MAF: variants seen among roughly 807,000 people sequenced by gnomAD.
The protein encoded by MAF is transcription factor Maf.
Under a neutral mutation model 22.0 loss-of-function variants are expected in MAF, and 10 were observed. The ratio of observed to expected loss-of-function variants is 0.45; its 90% CI spans 0.28 to 0.77. The LOEUF (loss-of-function observed/expected upper bound fraction) is 0.77, where lower values mean the gene tolerates loss of function less well. Among genes scored for constraint, MAF ranks in the 30% least tolerant of loss-of-function variants. The pLI is 0.12. For synonymous variants in MAF, 337 were observed against 255.8 expected, an observed-to-expected ratio of 1.32 and a Z score of -3.03; for missense variants, 544 against 548.4, an observed-to-expected ratio of 0.99 and a Z score of 0.08.
chr16:79,303,010 C>T, the MAF span, among the ~76,000 whole-genome samples: 1 of 152,206 alleles, frequency 6.6e-6, no homozygotes, highest in African/African-American at 2.4e-5. Flanking sequence ...TCTGACGGTA[C>T]CTTCCATATG....
At chr16:79,500,053 AC>A in the MAF span, among the ~76,000 whole-genome samples, 2 of 152,212 alleles carry the variant, frequency 1.3e-5, no homozygotes, top group Non-Finnish European at 2.9e-5. Context: ...AGGAATGCCA[AC>A]AGAGCTGGAA....
chr16:79,416,079 G>A, the MAF span, among the ~76,000 whole-genome samples: 41 of 152,238 alleles, frequency 2.7e-4, 1 homozygote, highest in Middle Eastern at 6.8e-3. Flanking sequence ...CTGACAGAGG[G>A]GATGTGCCCA....
the MAF span, among the ~76,000 whole-genome samples, chr16:79,529,479 A>T: frequency 7.2e-5 from 11 of 152,216 alleles, no homozygotes; most frequent in Admixed American, 6.5e-5. Flanking sequence ...CTGTGAATCT[A>T]TAATTATTTC....
chr16:79,400,983 G>A, the MAF span, among the ~76,000 whole-genome samples: 5 of 152,198 alleles, frequency 3.3e-5, no homozygotes, highest in Admixed American at 2.0e-4. Flanking sequence ...ATACACAGGC[G>A]TCCAGCCCTG....
At chr16:79,342,700 T>G in the MAF span, among the ~76,000 whole-genome samples, 22 of 152,050 alleles carry the variant, frequency 1.4e-4, no homozygotes, top group African/African-American at 4.8e-4. Context: ...AACAATGAAA[T>G]AGATACAATA....
the MAF span, among the ~76,000 whole-genome samples, chr16:79,443,508 A>G: frequency 3.9e-5 from 6 of 152,032 alleles, no homozygotes; most frequent in African/African-American, 1.4e-4. Context: ...AACTTCTTAC[A>G]TTGCTGGAGG....
At chr16:79,360,967 C>A in the MAF span, among the ~76,000 whole-genome samples, 5 of 152,100 alleles carry the variant, frequency 3.3e-5, no homozygotes. Context: ...GCATTTACAC[C>A]ACAGAAATTG....
chr16:79,408,254 G>A, the MAF span, among the ~76,000 whole-genome samples: 1 of 152,002 alleles, frequency 6.6e-6, no homozygotes, highest in African/African-American at 2.4e-5. Context: ...TCGGCTTGCT[G>A]CAACTGCCAC....
chr16:79,480,979 A>C, the MAF span, among the ~76,000 whole-genome samples: 1 of 151,836 alleles, frequency 6.6e-6, no homozygotes, highest in Non-Finnish European at 1.5e-5. Flanking sequence ...AGCACCCCCA[A>C]CTCCACGTCC....
chr16:79,428,117 G>T, the MAF span, among the ~76,000 whole-genome samples: 1 of 64,374 alleles, frequency 1.6e-5, no homozygotes. Flanking sequence ...AAAAAAAAAA[G>T]CTTTTCTGCT....
the MAF span, among the ~76,000 whole-genome samples, chr16:79,275,355 A>G: frequency 7.9e-5 from 12 of 152,248 alleles, no homozygotes; most frequent in Non-Finnish European, 5.9e-5. Context: ...CCAAAAAAAG[A>G]GAATAATAGT....
the MAF span, among the ~76,000 whole-genome samples, chr16:79,245,533 C>T: frequency 1.1e-4 from 16 of 151,920 alleles, no homozygotes; most frequent in East Asian, 5.8e-4. Flanking sequence ...GTTAGAATGG[C>T]GATCATTAAA....
the MAF span, among the ~76,000 whole-genome samples, chr16:79,300,384 G>A: frequency 4.6e-5 from 7 of 151,976 alleles, no homozygotes; most frequent in Admixed American, 3.3e-4. Flanking sequence ...GTGAAACCCC[G>A]TCTCTACTAA....
chr16:79,587,725 A>T (rs1912934081), intron 1 of MAF, among the ~76,000 whole-genome samples: 1 of 152,186 alleles, frequency 6.6e-6, no homozygotes, highest in African/African-American at 2.4e-5. Context: ...AACAGGCCTC[A>T]TTAAATGCGA....
the MAF span, among the ~76,000 whole-genome samples, chr16:79,387,789 T>G: frequency 6.6e-6 from 1 of 152,212 alleles, no homozygotes; most frequent in East Asian, 1.9e-4. Context: ...AATAACACCA[T>G]ATATTTAAAA....
At chr16:79,444,758 T>G in the MAF span, among the ~76,000 whole-genome samples, 2 of 152,162 alleles carry the variant, frequency 1.3e-5, no homozygotes, top group Non-Finnish European at 2.9e-5. Context: ...TGAAGGACTT[T>G]GGAAGATTAT....
At chr16:79,500,551 C>T in the MAF span, among the ~76,000 whole-genome samples, 1 of 152,258 alleles carries the variant, frequency 6.6e-6, no homozygotes, top group Non-Finnish European at 1.5e-5. Context: ...ACTGTTTCTT[C>T]ACACCACGGT....
the MAF span, among the ~76,000 whole-genome samples, chr16:79,238,646 C>A: frequency 4.9e-4 from 74 of 152,042 alleles, no homozygotes; most frequent in East Asian, 0.013. Context: ...ACAGGACATT[C>A]AATTTAATTC....
At chr16:79,575,191 G>T in the MAF span, among the ~76,000 whole-genome samples, 2 of 151,996 alleles carry the variant, frequency 1.3e-5, no homozygotes, top group Non-Finnish European at 2.9e-5. Context: ...TTCTAAAGGG[G>T]TGCACATGAA....
Sources: gnomAD v4.1 joint callset for allele counts (sites outside exome capture counted in the v4.1 genomes callset) on GRCh38, gnomAD v4.1.1 for gene constraint, MANE v1.5 for transcripts, NCBI Gene and HGNC (gene_info 2026-07-23, HGNC 2026-07-21) for gene names.